Variants in CASK observed in about 807,000 individuals in gnomAD.
CASK encodes the protein peripheral plasma membrane protein CASK.
In CASK, 4 loss-of-function variants were observed where a neutral mutation model predicts 82.9. The observed-to-expected ratio is 0.05, with a 90% CI of 0.02 to 0.11. CASK has a LOEUF of 0.11. CASK is among the 10% of genes least tolerant of loss of function. CASK has a pLI of 1.00. For synonymous variants in CASK, 259 were observed against 253.5 expected (o/e 1.02, Z -0.20); for missense variants, 358 against 720.9 (o/e 0.50, Z 5.76).
intron 10 of CASK, among the ~76,000 whole-genome samples, chrX:41,622,899 G>A (rs930938650): frequency 1.9e-4 from 9 of 47,184 alleles, no homozygotes; most frequent in African/African-American, 7.5e-4. Flanking sequence ...TTTTTTTTTT[G>A]AGATGGGGTC....
intron 2 of CASK, among the ~76,000 whole-genome samples, chrX:41,806,588 C>T (rs1177623993): frequency 8.9e-6 from 1 of 111,998 alleles, no homozygotes; most frequent in Non-Finnish European, 1.9e-5. Context: ...ACACAGTAGA[C>T]AATAAATGTT....
chrX:41,686,578 G>A (rs1239602820), intron 5 of CASK, among the ~76,000 whole-genome samples: 2 of 111,016 alleles, frequency 1.8e-5, no homozygotes, highest in African/African-American at 6.6e-5. Flanking sequence ...TGGTGTTGAC[G>A]CAACTCGTTT....
At chrX:41,773,125 C>A (rs1247929945) in intron 3 of CASK, among the ~76,000 whole-genome samples, 4 of 110,178 alleles carry the variant, frequency 3.6e-5, no homozygotes, top group African/African-American at 9.9e-5. Flanking sequence ...TGGTTCATAC[C>A]TATAATCCCA....
At chrX:41,591,159 A>G (rs1380878757) in intron 12 of CASK, among the ~76,000 whole-genome samples, 1 of 111,810 alleles carries the variant, frequency 8.9e-6, no homozygotes, top group African/African-American at 3.3e-5. Context: ...GGCAGTCTCC[A>G]TCTTCTGAAT....
At chrX:41,865,297 T>C (rs2071571379) in intron 1 of CASK, among the ~76,000 whole-genome samples, 1 of 111,969 alleles carries the variant, frequency 8.9e-6, no homozygotes, top group African/African-American at 3.2e-5. Context: ...ATCTCTCCTC[T>C]TGCTATCTCA....
intron 5 of CASK, among the ~76,000 whole-genome samples, chrX:41,690,581 G>A (rs893092027): frequency 8.5e-5 from 9 of 106,385 alleles, no homozygotes; most frequent in African/African-American, 2.8e-4. Flanking sequence ...GGCTGGTCTC[G>A]AATTCCTGGA....
At chrX:41,625,942 CTTTTTTTTTT>C (rs748063155) in intron 10 of CASK, among the ~76,000 whole-genome samples, 1 of 40,367 alleles carries the variant, frequency 2.5e-5, no homozygotes, top group Non-Finnish European at 4.9e-5. Flanking sequence ...GCACGCCTGG[CTTTTTTTTTT>C]TTTTTTTTTT....
At chrX:41,590,234 C>T (rs763075017) in intron 12 of CASK, among the ~76,000 whole-genome samples, 3 of 111,513 alleles carry the variant, frequency 2.7e-5, no homozygotes, top group South Asian at 7.4e-4. Context: ...ACGCTGGGAG[C>T]GATGGCTCAT....
chrX:41,555,920 G>C, intron 19 of CASK: 1 of 141,195 alleles, frequency 7.1e-6, no homozygotes. Flanking sequence ...AAGTGAAACA[G>C]CCTATTAAAA....
intron 3 of CASK, among the ~76,000 whole-genome samples, chrX:41,750,632 T>C (rs761258201): frequency 8.9e-6 from 1 of 112,380 alleles, no homozygotes; most frequent in Admixed American, 9.4e-5. Flanking sequence ...AGCTTAGCTG[T>C]CTCTCCTTTT....
At chrX:41,803,492 C>T (rs911181692) in intron 2 of CASK, among the ~76,000 whole-genome samples, 6 of 110,413 alleles carry the variant, frequency 5.4e-5, no homozygotes, top group African/African-American at 2.0e-4. Context: ...CTTGGGAAGC[C>T]GAGGCAGGAG....
chrX:41,535,873 C>T (rs751630580), intron 22 of CASK, among the ~76,000 whole-genome samples: 1 of 112,136 alleles, frequency 8.9e-6, no homozygotes, highest in African/African-American at 3.2e-5. Context: ...GATGCCCATT[C>T]CTGTTGAAAT....
rs1171599937 is a variant in CASK at position 41,829,631 on chromosome X, G to C, written c.172+23484C>G. On this transcript the variant is annotated intron_variant, in intron 2 of 26. Transcript: ENST00000378163. ...GTTTTTTTTTTTTTTGGGGGGGTGG[G>C]GGTGAACATATGTTAAGACATTGCT... Among the ~76,000 whole-genome samples, 13 of 57,302 alleles carry C rather than the reference G, an allele frequency of 2.3e-4. 4 individuals are homozygous for C. The highest frequency in any genetic ancestry group is 6.2e-4 in the African/African-American group (9 of 14,490). The allele number at this position is 57,302 out of a possible 115,157, so 49.8% of individuals were successfully genotyped here. A position where few individuals can be genotyped will look rare whatever the true frequency, so the allele number is the denominator to read the frequency against.
intron 12 of CASK, among the ~76,000 whole-genome samples, chrX:41,605,610 G>A (rs772371209): frequency 1.8e-5 from 2 of 111,640 alleles, no homozygotes; most frequent in Admixed American, 9.5e-5. Context: ...AGAAGAATTC[G>A]TTTTGATTCT....
At chrX:41,552,191 C>T (rs1003907448) in intron 21 of CASK, among the ~76,000 whole-genome samples, 2 of 109,345 alleles carry the variant, frequency 1.8e-5, no homozygotes, top group African/African-American at 6.7e-5. Flanking sequence ...CCCACCTCGG[C>T]GTCCCAGAGT....
chrX:41,858,361 A>G (rs1266275801), intron 1 of CASK, among the ~76,000 whole-genome samples: 2 of 112,135 alleles, frequency 1.8e-5, no homozygotes, highest in Non-Finnish European at 3.8e-5. Flanking sequence ...TTGGCTGAGG[A>G]GATTTCTGTC....
chrX:41,792,918 C>T (rs750792210), intron 2 of CASK, among the ~76,000 whole-genome samples: 2 of 111,492 alleles, frequency 1.8e-5, no homozygotes, highest in East Asian at 5.6e-4. Context: ...GGAATGGTGC[C>T]ACTCTAGATA....
At chrX:41,577,638 A>C (rs2065501511) in intron 15 of CASK, among the ~76,000 whole-genome samples, 1 of 111,158 alleles carries the variant, frequency 9.0e-6, no homozygotes. Flanking sequence ...CCTTTTTACT[A>C]CCAGGTTTAC....
chrX:41,922,341 C>A (rs956246836), intron 1 of CASK, among the ~76,000 whole-genome samples: 1 of 111,506 alleles, frequency 9.0e-6, no homozygotes, highest in Non-Finnish European at 1.9e-5. Flanking sequence ...ATTGAACAGT[C>A]ATTGCATAAC....
Sources: gnomAD v4.1 joint callset for allele counts (sites outside exome capture counted in the v4.1 genomes callset) on GRCh38, gnomAD v4.1.1 for gene constraint, MANE v1.5 for transcripts, NCBI Gene and HGNC (gene_info 2026-07-23, HGNC 2026-07-21) for gene names.